Variants in PDZD8 observed in about 807,000 individuals in gnomAD.
The protein encoded by PDZD8 is PDZ domain-containing protein 8.
A neutral mutation model predicts 85.8 loss-of-function variants in PDZD8; 14 were observed. The observed-to-expected ratio is 0.16, with a 90% confidence interval of 0.11 to 0.26. The LOEUF is 0.26. Ranked by LOEUF, PDZD8 falls within the 10% of genes least tolerant of loss-of-function variation. PDZD8 has a pLI of 1.00. For missense variants in PDZD8, 1,197 were observed against 1,424.3 expected (o/e 0.84, Z 2.57); for synonymous variants, 592 against 568.6 (o/e 1.04, Z -0.59).
At position 117,373,604 on chromosome 10, in the gene PDZD8, C is replaced by CAAAAAAAA. The variant is rs796930758; in HGVS notation, c.872+744_872+751dup. Among the ~76,000 whole-genome samples the CAAAAAAAA allele has an allele frequency of 3.1e-4, 16 of 52,432 alleles. 1 individual carries two copies. Among genetic ancestry groups the CAAAAAAAA allele is most frequent in the African/African-American group, 9.4e-4 (14 of 14,916 alleles). The allele number at this position is 52,432 out of a possible 152,430, so 34.4% of individuals were successfully genotyped here. A position where few individuals can be genotyped will look rare whatever the true frequency, so the allele number is the denominator to read the frequency against. On this transcript the variant is annotated intron_variant, in intron 1 of 4. Transcript: ENST00000334464. ...GAAACTCCGTCTCTACTAAAAAATA[C>CAAAAAAAA]AAAAAAAAAAAAAAAAAAAAAAAAA...
rs55643748 is a variant in PDZD8 at position 117,315,389 on chromosome 10, G to C, written c.1098+3483C>G. Among the ~76,000 whole-genome samples the C allele has an allele frequency of 4.2e-3, 639 of 152,162 alleles. 4 individuals are homozygous for C. Among genetic ancestry groups the C allele is most frequent in the Non-Finnish European group, 4.2e-3 (285 of 68,010 alleles). On this transcript the variant is annotated intron_variant, in intron 3 of 4. Transcript: ENST00000334464. ...GTGGGTGGATCACCTGAGACCAGGA[G>C]TTCGAGACCAGCCTGGCCAACATGG...
rs1453762418 is a variant in PDZD8 at position 117,278,468 on chromosome 10, A to G, written c.*4800T>C. 1 of 152,244 alleles carries G rather than the reference A, an allele frequency of 6.6e-6. No homozygotes were observed. Among genetic ancestry groups the G allele is most frequent in the African/African-American group, 2.4e-5 (1 of 41,464 alleles). The allele number at this position is 152,244 out of a possible 1,614,324, so 9.4% of individuals were successfully genotyped here. A position where few individuals can be genotyped will look rare whatever the true frequency, so the allele number is the denominator to read the frequency against. On this transcript the variant is annotated 3_prime_UTR_variant, in exon 5 of 5. Coordinates refer to ENST00000334464, the MANE Select transcript of PDZD8 (RefSeq NM_173791.5). ...TGTGTATTTTTCTAAGCATGACAAC[A>G]TTGATGTGCCTTTTCAGTGTAACAG...
intron 2 of PDZD8, among the ~76,000 whole-genome samples, chr10:117,338,036 A>G (rs530798913): frequency 1.7e-4 from 26 of 152,324 alleles, no homozygotes; most frequent in African/African-American, 6.3e-4. Context: ...GAGATTAACT[A>G]TTGAAATAAA....
At chr10:117,362,178 C>T (rs1564713231) in intron 1 of PDZD8, among the ~76,000 whole-genome samples, 1 of 152,140 alleles carries the variant, frequency 6.6e-6, no homozygotes, top group Non-Finnish European at 1.5e-5. Flanking sequence ...AAGTACCTAA[C>T]TCAAGTTAGA....
intron 2 of PDZD8, among the ~76,000 whole-genome samples, chr10:117,323,923 G>A (rs1280633753): frequency 6.6e-6 from 1 of 151,858 alleles, no homozygotes; most frequent in South Asian, 2.1e-4. Flanking sequence ...CTTGATGCAG[G>A]CTCATAAAAA....
chr10:117,367,661 T>G (rs7087395), intron 1 of PDZD8, among the ~76,000 whole-genome samples: 2 of 151,860 alleles, frequency 1.3e-5, no homozygotes, highest in Non-Finnish European at 2.9e-5. Flanking sequence ...AAAGCTAATG[T>G]GGTGGCTCAT....
At chr10:117,301,987 TTC>T (rs1233151981) in intron 3 of PDZD8, among the ~76,000 whole-genome samples, 1 of 152,200 alleles carries the variant, frequency 6.6e-6, no homozygotes, top group Non-Finnish European at 1.5e-5. Flanking sequence ...ATTACTCAAT[TTC>T]TGTTTATAAA....
chr10:117,300,647 C>T (rs931367631), intron 3 of PDZD8, among the ~76,000 whole-genome samples: 2 of 152,314 alleles, frequency 1.3e-5, no homozygotes, highest in African/African-American at 2.4e-5. Flanking sequence ...CCCCAACCTT[C>T]TACCAATTTA....
rs1162546444 is a variant in PDZD8 at position 117,375,321 on chromosome 10, G to C, written c.-94C>G. On this transcript the variant is annotated 5_prime_UTR_variant, in exon 1 of 5. Transcript: ENST00000334464. ...CCGCTGCCTCCATTTTGAGGACATC[G>C]GGCGGCTGGGTCGGGGCGAGCGGCT... 2.5e-6 allele frequency: 3 copies of C among 1,215,666 alleles called. No individual in the cohort carries two copies. The highest frequency in any genetic ancestry group is 3.3e-6 in the Non-Finnish European group (3 of 920,636). The allele number at this position is 1,215,666 out of a possible 1,614,324, so 75.3% of individuals were successfully genotyped here. A position where few individuals can be genotyped will look rare whatever the true frequency, so the allele number is the denominator to read the frequency against.
chr10:117,300,479 CCAAA>C (rs1207833599), intron 3 of PDZD8, among the ~76,000 whole-genome samples: 4 of 152,134 alleles, frequency 2.6e-5, no homozygotes, highest in African/African-American at 4.8e-5. Context: ...AATGTAGCAT[CCAAA>C]CATTTCTGTC....
At chr10:117,288,319 A>C (rs2133762171) in intron 4 of PDZD8, among the ~76,000 whole-genome samples, 1 of 152,166 alleles carries the variant, frequency 6.6e-6, no homozygotes, top group South Asian at 2.1e-4. Flanking sequence ...GACTATTACA[A>C]AAATGCATAG....
intron 2 of PDZD8, among the ~76,000 whole-genome samples, chr10:117,340,051 G>A (rs1844584895): frequency 6.6e-6 from 1 of 152,192 alleles, no homozygotes; most frequent in South Asian, 2.1e-4. Context: ...ATAGTAAGTA[G>A]CTCAAGCAAG....
intron 4 of PDZD8, among the ~76,000 whole-genome samples, chr10:117,287,926 T>C (rs1238338269): frequency 6.6e-6 from 1 of 152,202 alleles, no homozygotes; most frequent in Non-Finnish European, 1.5e-5. Context: ...GACATATGCA[T>C]AAATGAAAAA....
At chr10:117,291,249 C>T (rs1284504968) in intron 3 of PDZD8, among the ~76,000 whole-genome samples, 3 of 130,986 alleles carry the variant, frequency 2.3e-5, no homozygotes, top group East Asian at 2.4e-4. Flanking sequence ...TAAGAGTTAT[C>T]GGCCGGGCAC....
At position 117,281,537 on chromosome 10, in the gene PDZD8, C is replaced by CT. The variant is rs1268935823; in HGVS notation, c.*1730dup. On this transcript the variant is annotated 3_prime_UTR_variant, in exon 5 of 5. Coordinates refer to ENST00000334464, the MANE Select transcript of PDZD8 (RefSeq NM_173791.5). ...GCTATTGATTTTTAAAGTGGAATAA[C>CT]TTTTCTCCCCTCAAAAATGTCTTTC... is the stretch of plus-strand genomic sequence containing the variant. The CT allele has an allele frequency of 6.6e-6, 1 of 152,096 alleles. No individual in the cohort carries two copies. The allele number at this position is 152,096 out of a possible 1,614,324, so 9.4% of individuals were successfully genotyped here. A position where few individuals can be genotyped will look rare whatever the true frequency, so the allele number is the denominator to read the frequency against.
At position 117,282,978 on chromosome 10, in the gene PDZD8, T is replaced by C; in HGVS notation, c.*290A>G. ...AGGGGACACCATACATACATAAACA[T>C]GAAAAGCTAGCTTACATAATTACAT... is the stretch of plus-strand genomic sequence containing the variant. On this transcript the variant is annotated 3_prime_UTR_variant, in exon 5 of 5. Coordinates refer to ENST00000334464, the MANE Select transcript of PDZD8 (RefSeq NM_173791.5). 3.1e-6 allele frequency: 1 copy of C among 324,652 alleles called. No individual in the cohort carries two copies. The highest frequency in any genetic ancestry group is 5.6e-6 in the Non-Finnish European group (1 of 179,714). 20.1% of individuals were successfully genotyped at this position (324,652 alleles called of 1,614,324 possible). A position where few individuals can be genotyped will look rare whatever the true frequency, so the allele number is the denominator to read the frequency against.
At chr10:117,369,262 G>A (rs774336461) in intron 1 of PDZD8, among the ~76,000 whole-genome samples, 5 of 152,054 alleles carry the variant, frequency 3.3e-5, no homozygotes, top group Admixed American at 6.6e-5. Context: ...GGGTTCAAGC[G>A]ATTCTCCTGC....
chr10:117,309,419 C>G (rs766305802), intron 3 of PDZD8, among the ~76,000 whole-genome samples: 42 of 151,522 alleles, frequency 2.8e-4, no homozygotes, highest in Admixed American at 8.6e-4. Flanking sequence ...CATAGTAGAT[C>G]AAAGCACCAC....
chr10:117,366,716 T>C (rs1845097306), intron 1 of PDZD8, among the ~76,000 whole-genome samples: 1 of 152,154 alleles, frequency 6.6e-6, no homozygotes, highest in Non-Finnish European at 1.5e-5. Context: ...TGATTTAGAG[T>C]AACAGTTGGT....
Sources: gnomAD v4.1 joint callset for allele counts (sites outside exome capture counted in the v4.1 genomes callset) on GRCh38, gnomAD v4.1.1 for gene constraint, MANE v1.5 for transcripts, NCBI Gene and HGNC (gene_info 2026-07-23, HGNC 2026-07-21) for gene names.